RGL4: variants seen among roughly 807,000 people sequenced by gnomAD.
RGL4 encodes the protein ral-GDS-related protein.
Under a neutral mutation model 49.6 loss-of-function variants are expected in RGL4, and 41 were observed. The ratio of observed to expected loss-of-function variants is 0.83; its 90% CI spans 0.64 to 1.07. RGL4 has a LOEUF of 1.07. Ranked by LOEUF, RGL4 falls within the 50% of genes least tolerant of loss-of-function variation. The pLI is 0.00. For missense variants in RGL4, 610 were observed against 591.9 expected, an observed-to-expected ratio of 1.03 and a Z score of -0.32; for synonymous variants, 255 against 238.0, an observed-to-expected ratio of 1.07 and a Z score of -0.66.
intron 5 of RGL4, 126 bp from the exon 6 acceptor site, chr22:23,694,824 G>A: frequency 1.3e-6 from 1 of 761,758 alleles, no homozygotes; most frequent in East Asian, 2.5e-5. Flanking sequence ...CCTGTGATCA[G>A]AGGACTCCAC....
chr22:23,692,264 C>T (rs948518485), intron 1 of RGL4, 55 bp downstream of exon 1: 51 of 1,607,638 alleles, frequency 3.2e-5, no homozygotes, highest in South Asian at 5.5e-5. Flanking sequence ...CCCAGAACCA[C>T]GCAGGGGTGC....
chr22:23,696,430 A>C, intron 6 of RGL4, 184 bp from the exon 7 acceptor site: 1 of 1,535,032 alleles, frequency 6.5e-7, no homozygotes, highest in Non-Finnish European at 8.8e-7. Flanking sequence ...AAGAGGAAAC[A>C]GTCTCAGGGA....
intron 7 of RGL4, 69 bp downstream of exon 7, chr22:23,696,757 G>A (rs1297168078): frequency 1.4e-6 from 2 of 1,396,880 alleles, no homozygotes; most frequent in South Asian, 1.3e-5. Flanking sequence ...CCGCCAGCTG[G>A]AGGCCTCCAT....
chr22:23,695,839 C>T (rs981043259), intron 6 of RGL4, among the ~76,000 whole-genome samples: 3 of 152,176 alleles, frequency 2.0e-5, no homozygotes, highest in African/African-American at 7.2e-5. Context: ...CCATTGCAGT[C>T]AGAGATGGCG....
chr22:23,692,312 T>A, intron 1 of RGL4, 23 bp from the exon 2 acceptor site: 1 of 1,612,300 alleles, frequency 6.2e-7, no homozygotes, highest in East Asian at 2.2e-5. Context: ...GGCCTCTGAC[T>A]CAGCTGTCTA....
rs773867792 is a variant in RGL4, at chr22:23,692,907, A to C, written c.612A>C (p.Val204=). Residue 204 remains valine, a synonymous_variant, in exon 3 of 11, where the codon GTA becomes GTC. Transcript: ENST00000290691. The part of the protein sequence containing the change: ...PESSCPCRGS[V]KNQPSEELPD... ...CCTCCTGTCCCTGTCGTGGGTCTGT[A>C]AAGAACCAACCCAGTGAGGAGCTGC... is the stretch of plus-strand genomic sequence containing the variant. 1 of 1,613,614 alleles carries C rather than the reference A, an allele frequency of 6.2e-7. No individual in the cohort carries two copies. The highest frequency in any genetic ancestry group is 8.5e-7 in the Non-Finnish European group (1 of 1,180,018).
chr22:23,697,742 C>T, intron 8 of RGL4, 96 bp from the exon 9 acceptor site: 1 of 1,355,540 alleles, frequency 7.4e-7, no homozygotes, highest in East Asian at 2.4e-5. Context: ...CATCCCCTGA[C>T]CCTGGTGGCC....
chr22:23,691,995 A>C lies in RGL4; in HGVS notation c.-36A>C. 6.2e-7 allele frequency: 1 copy of C among 1,603,526 alleles called. No individual in the cohort carries two copies. On this transcript the variant is annotated 5_prime_UTR_variant, in exon 1 of 11. Transcript: ENST00000290691. The stretch of plus-strand genomic sequence containing the variant: ...CCCCGACATCTGCCCCTTCCCTCCT[A>C]ACCCCAGGACCAGGGGACCCAGATC...
Position 23,697,902 on chromosome 22 carries a change from G to A in RGL4, c.1260+41G>A, listed in dbSNP as rs1436498152. 3 of 1,591,764 alleles carry A rather than the reference G, an allele frequency of 1.9e-6. No individual in the cohort carries two copies. The African/African-American group carries it at 4.0e-5, about 21-fold the overall frequency. On this transcript the variant is annotated intron_variant, in intron 9 of 10. Coordinates refer to ENST00000290691, the MANE Select transcript of RGL4 (RefSeq NM_153615.2). ...ACTCACGTTGGATGAGGGTGGGGAT[G>A]TGGACGTCACAGTCCACCCTGGGCA...
rs1047303170 is a variant in RGL4, at chr22:23,697,734, T to A, written c.1237-104T>A. The A allele has an allele frequency of 5.5e-6, 7 of 1,279,236 alleles. No individual in the cohort carries two copies. The Admixed American group carries it at 5.9e-5, about 11-fold the overall frequency. The allele number at this position is 1,279,236 out of a possible 1,614,324, so 79.2% of individuals were successfully genotyped here. ...AGGTCCAAGTCCTGTCGTGTGCACATCCCCTGACCCTGGTGGCCCTGGCAG... is the reference window on the plus strand; with the variant it reads ...AGGTCCAAGTCCTGTCGTGTGCACAACCCCTGACCCTGGTGGCCCTGGCAG... On this transcript the variant is annotated intron_variant, in intron 8 of 10. Transcript: ENST00000290691.
chr22:23,692,744 T>G lies in RGL4; in HGVS notation c.449T>G (p.Leu150Arg). The G allele has an allele frequency of 6.2e-7, 1 of 1,613,346 alleles. No homozygotes were observed. The highest frequency in any genetic ancestry group is 1.1e-5 in the South Asian group (1 of 91,086). Residue 150 changes from leucine to arginine, a missense_variant, in exon 3 of 11, where the codon CTG (leucine) becomes CGG (arginine). Transcript: ENST00000290691. ...CCAGCACCACCACTGCTGGCGGACC[T>G]GGGGCCTGCTCTGGAGCCAGAGTCA... is the stretch of plus-strand genomic sequence containing the variant. ...LEPAPPLLAD[L>R]GPALEPESPA...
At chr22:23,696,195 C>A in intron 6 of RGL4, 5 of 823,130 alleles carry the variant, frequency 6.1e-6, no homozygotes, top group East Asian at 8.7e-5. Context: ...GGAGCCACTG[C>A]CCGCTCTGGG....
rs555311806 is a variant in RGL4 at position 23,696,445 on chromosome 22, C to T, written c.1087-169C>T. Reference sequence around the variant, plus strand: ...AAGAGGAAACAGTCTCAGGGAGGCCCGGCTGCAAGACTGGGTGACACACAC... The same window carrying T: ...AAGAGGAAACAGTCTCAGGGAGGCCTGGCTGCAAGACTGGGTGACACACAC... On this transcript the variant is annotated intron_variant, in intron 6 of 10. Transcript: ENST00000290691. 51 of 1,539,532 alleles carry T rather than the reference C, an allele frequency of 3.3e-5. No individual in the cohort carries two copies. The Admixed American group carries it at 4.2e-4, about 13-fold the overall frequency.
intron 5 of RGL4, 62 bp downstream of exon 5, chr22:23,694,512 C>G: frequency 8.9e-7 from 1 of 1,126,864 alleles, no homozygotes; most frequent in Non-Finnish European, 1.3e-6. Flanking sequence ...GGTCTCCCCC[C>G]ATGTGCCCTC....
In RGL4 at chr22:23,692,138, G is replaced by A; in HGVS notation, c.108G>A (p.Gly36=). 1.9e-6 allele frequency: 3 copies of A among 1,614,208 alleles called. No individual in the cohort carries two copies. Among genetic ancestry groups the A allele is most frequent in the Non-Finnish European group, 2.5e-6 (3 of 1,180,020 alleles). ...LWEENVCGTP[G]RTRVCTALLY... Reference sequence around the variant, plus strand: ...AAGAGAATGTCTGTGGGACGCCAGGGCGCACGAGGGTCTGTACAGCCCTGC... The same window carrying A: ...AAGAGAATGTCTGTGGGACGCCAGGACGCACGAGGGTCTGTACAGCCCTGC... Residue 36 remains glycine (G), a synonymous_variant, in exon 1 of 11, where the codon GGG becomes GGA. Transcript: ENST00000290691.
rs1019953753 is a variant in RGL4 at position 23,693,047 on chromosome 22, C to T, written c.696+56C>T. On this transcript the variant is annotated intron_variant, in intron 3 of 10. Coordinates refer to ENST00000290691, the MANE Select transcript of RGL4 (RefSeq NM_153615.2). ...CTGGCACCAGCTGTCTCAGACCAGCCTCTCCCTGAGGAGCAGCCAATGCCC... is the reference window on the plus strand; with the variant it reads ...CTGGCACCAGCTGTCTCAGACCAGCTTCTCCCTGAGGAGCAGCCAATGCCC... 3 of 1,527,782 alleles carry T rather than the reference C, an allele frequency of 2.0e-6. No homozygotes were observed. The African/African-American group carries it at 4.1e-5, about 21-fold the overall frequency. 94.6% of individuals were successfully genotyped at this position (1,527,782 alleles called of 1,614,324 possible).
At chr22:23,695,252 T>C (rs1474542904) in intron 6 of RGL4, 4 of 494,748 alleles carry the variant, frequency 8.1e-6, no homozygotes, top group Non-Finnish European at 1.5e-5. Flanking sequence ...AAATGGGATG[T>C]GGCAATGGCT....
chr22:23,694,880 A>G, intron 5 of RGL4, 70 bp from the exon 6 acceptor site: 1 of 1,251,844 alleles, frequency 8.0e-7, no homozygotes, highest in Non-Finnish European at 1.2e-6. Flanking sequence ...GTTTTCAAAC[A>G]AAAGGGACTG....
chr22:23,695,471 GC>G, intron 6 of RGL4: 1 of 604,062 alleles, frequency 1.7e-6, no homozygotes. Flanking sequence ...TGCTGCTGCT[GC>G]TGCTGTCTGC....
Sources: gnomAD v4.1 joint callset for allele counts (sites outside exome capture counted in the v4.1 genomes callset) on GRCh38, gnomAD v4.1.1 for gene constraint, MANE v1.5 for transcripts, NCBI Gene and HGNC (gene_info 2026-07-23, HGNC 2026-07-21) for gene names.